Variants in TPTE2 observed in about 807,000 individuals in gnomAD.
TPTE2 encodes phosphatidylinositol 3,4,5-trisphosphate 3-phosphatase TPTE2.
In TPTE2, 53 loss-of-function variants were observed where a neutral mutation model predicts 78.6. The ratio of observed to expected loss-of-function variants is 0.67; its 90% CI spans 0.54 to 0.85. The LOEUF is 0.85. Among genes scored for constraint, TPTE2 ranks in the 40% least tolerant of loss-of-function variants. The pLI, the probability that TPTE2 is intolerant of heterozygous loss-of-function variation, is 0.00. For missense variants in TPTE2, 461 were observed against 623.0 expected (o/e 0.74, Z 2.77); for synonymous variants, 175 against 206.2 (o/e 0.85, Z 1.30).
rs989285416 is a variant in TPTE2, at chr13:19,535,073, G to A, written c.-44+1523C>T. 4.0e-5 allele frequency among the ~76,000 whole-genome samples: 6 copies of A among 151,876 alleles called. No homozygotes were observed. Among genetic ancestry groups the A allele is most frequent in the South Asian group, 2.1e-4 (1 of 4,812 alleles). The stretch of plus-strand genomic sequence containing the variant: ...ACAGAAATTAGCCAGGCGTGGTGGC[G>A]GGCACATGCAGTCCCAGCTACTCAG... On this transcript the variant is annotated intron_variant, in intron 1 of 17. Transcript: ENST00000390680. This position sits in a 1 kb window ranked among gnomAD's most constrained non-coding sequence, Gnocchi z 5.1.
At chr13:19,543,328 C>A in the TPTE2 span, among the ~76,000 whole-genome samples, 1 of 150,900 alleles carries the variant, frequency 6.6e-6, no homozygotes, top group Non-Finnish European at 1.5e-5. Flanking sequence ...GCTGGGATTA[C>A]AGGCATGAGC....
chr13:19,464,641 T>G, intron 9 of TPTE2, 121 bp from the exon 13 acceptor site: 2 of 1,070,046 alleles, frequency 1.9e-6, no homozygotes, highest in South Asian at 1.6e-5. Context: ...AAATTGAGGT[T>G]GACAGAAAAG....
chr13:19,464,745 A>T (rs2137564947), intron 9 of TPTE2, among the ~76,000 whole-genome samples: 1 of 152,332 alleles, frequency 6.6e-6, no homozygotes, highest in South Asian at 2.1e-4. Context: ...ACTAGTTCTA[A>T]CTGTATGCCA....
At chr13:19,475,648 T>A in intron 4 of TPTE2, 25 bp from the exon 8 acceptor site, 14 of 1,604,068 alleles carry the variant, frequency 8.7e-6, no homozygotes, top group Non-Finnish European at 1.2e-5. Flanking sequence ...AAAAATAAAA[T>A]TAACCAGATT....
intron 1 of TPTE2, among the ~76,000 whole-genome samples, chr13:19,501,845 T>C (rs1868581074): frequency 6.6e-6 from 1 of 151,598 alleles, no homozygotes; most frequent in East Asian, 1.9e-4. Context: ...GAAACTATCA[T>C]CAGAGTGAAC....
chr13:19,560,477 C>T, the TPTE2 span: 3 of 1,597,908 alleles, frequency 1.9e-6, no homozygotes, highest in South Asian at 3.3e-5. Context: ...ACACCCGGCA[C>T]CAGCACCTCC....
chr13:19,431,527 T>C (rs1455704451), intron 16 of TPTE2, among the ~76,000 whole-genome samples: 2 of 152,192 alleles, frequency 1.3e-5, no homozygotes, highest in African/African-American at 4.8e-5. Flanking sequence ...AAACAAATAT[T>C]TTAATAAACT....
intron 1 of TPTE2, among the ~76,000 whole-genome samples, chr13:19,497,449 A>G (rs1881424530): frequency 8.5e-6 from 1 of 117,240 alleles, no homozygotes; most frequent in Non-Finnish European, 1.9e-5. Context: ...GCAGCTGGAG[A>G]TCTGAGAACG....
chr13:19,549,590 CTG>C, the TPTE2 span, among the ~76,000 whole-genome samples: 1 of 138,600 alleles, frequency 7.2e-6, no homozygotes, highest in Non-Finnish European at 1.6e-5. Flanking sequence ...GGAAAGCAGT[CTG>C]GAGATTTCTC....
At chr13:19,493,566 A>C in intron 1 of TPTE2, 65 bp from the exon 5 acceptor site, 1 of 1,375,780 alleles carries the variant, frequency 7.3e-7, no homozygotes. Flanking sequence ...TTTTGGAAAA[A>C]TTACCTTTCA....
At chr13:19,497,910 TAGA>T (rs1431659571) in intron 1 of TPTE2, among the ~76,000 whole-genome samples, 1 of 151,494 alleles carries the variant, frequency 6.6e-6, no homozygotes, top group East Asian at 2.0e-4. Flanking sequence ...GAAAAAAATT[TAGA>T]AGAAGGTATA....
intron 1 of TPTE2, among the ~76,000 whole-genome samples, chr13:19,497,760 A>G (rs1242410074): frequency 5.3e-5 from 8 of 151,714 alleles, no homozygotes; most frequent in African/African-American, 1.5e-4. Flanking sequence ...CCTCCAAAGG[A>G]ACGCAGTTCC....
the TPTE2 span, among the ~76,000 whole-genome samples, chr13:19,548,722 T>G: frequency 1.3e-5 from 2 of 151,624 alleles, no homozygotes; most frequent in African/African-American, 4.8e-5. Context: ...CAAGATGGAT[T>G]AAAGGCTTAA....
In TPTE2 at chr13:19,503,132, G is replaced by C; in HGVS notation, c.11+92C>G. The C allele has an allele frequency of 1.3e-5, 20 of 1,567,586 alleles. No homozygotes were observed. The Middle Eastern group carries it at 5.0e-4, about 40-fold the overall frequency. On this transcript the variant is annotated intron_variant, in intron 1 of 19. Transcript: ENST00000400230. Reference sequence around the variant, plus strand: ...GTATGGATGGATGCATGGATGCATGGATGGATATATTTGTTTATGTGCCTG... The same window carrying C: ...GTATGGATGGATGCATGGATGCATGCATGGATATATTTGTTTATGTGCCTG...
chr13:19,510,965 T>C lies in TPTE2; in HGVS notation c.-43-7688A>G, dbSNP rs563883149. On this transcript the variant is annotated intron_variant, in intron 1 of 17. Coordinates refer to the TPTE2 transcript ENST00000390680. ...TTATATAAATTGGAAAGTTTGATTA[T>C]GTCAAGTGTTGTTGTGAATGTGTAT... 2.6e-5 allele frequency among the ~76,000 whole-genome samples: 4 copies of C among 152,362 alleles called. 1 individual carries two copies. The highest frequency in any genetic ancestry group is 2.1e-4 in the South Asian group (1 of 4,830).
intron 1 of TPTE2, among the ~76,000 whole-genome samples, chr13:19,498,364 A>G (rs866752211): frequency 1.3e-5 from 2 of 152,066 alleles, no homozygotes; most frequent in South Asian, 4.2e-4. Flanking sequence ...ACCAAAGTTG[A>G]AATGAAGGAA....
chr13:19,434,990 A>G (rs1269948931), intron 15 of TPTE2, among the ~76,000 whole-genome samples: 2 of 152,228 alleles, frequency 1.3e-5, no homozygotes, highest in African/African-American at 4.8e-5. Flanking sequence ...ATATTAAATG[A>G]GATAGTGAAT....
At chr13:19,430,290 CA>C (rs1308690255) in intron 17 of TPTE2, among the ~76,000 whole-genome samples, 177 bp downstream of exon 20, 1 of 152,192 alleles carries the variant, frequency 6.6e-6, no homozygotes, top group African/African-American at 2.4e-5. Flanking sequence ...TTTGAACAAA[CA>C]GGTTAATTTA....
chr13:19,454,775 T>C (rs1197309403), intron 10 of TPTE2, among the ~76,000 whole-genome samples: 2 of 152,108 alleles, frequency 1.3e-5, no homozygotes, highest in Non-Finnish European at 2.9e-5. Context: ...ATGCTAAAAG[T>C]TTTTGGCTTT....
Sources: allele counts gnomAD v4.1 joint callset (sites outside exome capture counted in the v4.1 genomes callset), GRCh38; gene constraint gnomAD v4.1.1; non-coding constraint Gnocchi (gnomAD v3.1); transcripts MANE v1.5; gene names NCBI Gene and HGNC (gene_info 2026-07-23, HGNC 2026-07-21).